The following SPMIP4 variants were observed in gnomAD, a reference collection of about 807,000 sequenced individuals.
SPMIP4 encodes sperm-associated microtubule inner protein 4.
At chr7:25,128,147 A>G in the SPMIP4 span, among the ~76,000 whole-genome samples, 2 of 152,304 alleles carry the variant, frequency 1.3e-5, no homozygotes, top group South Asian at 4.1e-4. The surrounding 1 kb of genome is among the most constrained non-coding windows in gnomAD (Gnocchi z 4.5). Context: ...GTGCTAGGAG[A>G]GACCTGATGC....
chr7:25,127,961 T>C, the SPMIP4 span, among the ~76,000 whole-genome samples: 1 of 152,210 alleles, frequency 6.6e-6, no homozygotes, highest in Admixed American at 6.5e-5. Context: ...TGCAGACTTG[T>C]AGGGGTATGA....
chr7:25,175,446 A>G, the SPMIP4 span, among the ~76,000 whole-genome samples: 1 of 151,718 alleles, frequency 6.6e-6, no homozygotes, highest in Non-Finnish European at 1.5e-5. Flanking sequence ...CACCTCACCT[A>G]TTGTGAAAAG....
At chr7:25,130,330 G>A in the SPMIP4 span, among the ~76,000 whole-genome samples, 8 of 66,640 alleles carry the variant, frequency 1.2e-4, no homozygotes, top group Admixed American at 4.5e-4. Flanking sequence ...TTTTTTTTTT[G>A]AGACGGAGTT....
At chr7:25,172,563 A>C in the SPMIP4 span, among the ~76,000 whole-genome samples, 2 of 152,366 alleles carry the variant, frequency 1.3e-5, no homozygotes, top group South Asian at 2.1e-4. This position sits in a 1 kb window ranked among gnomAD's most constrained non-coding sequence, Gnocchi z 4.2. Flanking sequence ...TGCATGGACA[A>C]GGTCCTTAGA....
the SPMIP4 span, chr7:25,179,359 G>C: frequency 1.3e-6 from 2 of 1,579,928 alleles, no homozygotes; most frequent in Non-Finnish European, 1.7e-6. Flanking sequence ...GGGCACATTT[G>C]GCTTGTCGAG....
chr7:25,148,672 G>T, the SPMIP4 span, among the ~76,000 whole-genome samples: 2 of 151,974 alleles, frequency 1.3e-5, no homozygotes, highest in African/African-American at 2.4e-5. Context: ...TCAGTGTTCC[G>T]CCATGTTGGT....
chr7:25,148,062 C>T, the SPMIP4 span, among the ~76,000 whole-genome samples: 1 of 152,050 alleles, frequency 6.6e-6, no homozygotes, highest in African/African-American at 2.4e-5. Context: ...TAGTAGTGTC[C>T]CTTCTCCTTC....
the SPMIP4 span, chr7:25,135,867 CT>C: frequency 6.9e-7 from 1 of 1,452,710 alleles, no homozygotes; most frequent in Non-Finnish European, 9.1e-7. Context: ...TAACAAGGTC[CT>C]TGTGGTTTAA....
At chr7:25,172,699 T>G in the SPMIP4 span, among the ~76,000 whole-genome samples, 1 of 152,124 alleles carries the variant, frequency 6.6e-6, no homozygotes, top group Admixed American at 6.5e-5. The surrounding 1 kb of genome is among the most constrained non-coding windows in gnomAD (Gnocchi z 4.2). Context: ...CCTGGGAACT[T>G]GGATAAATTT....
the SPMIP4 span, chr7:25,179,191 T>C: frequency 1.6e-3 from 2,563 of 1,608,574 alleles, 7 homozygotes; most frequent in Non-Finnish European, 2.1e-3. Flanking sequence ...TCTGAGGCAG[T>C]TGGGCGAGTA....
At chr7:25,135,991 G>T in the SPMIP4 span, 1 of 1,605,424 alleles carries the variant, frequency 6.2e-7, no homozygotes, top group South Asian at 1.1e-5. Context: ...GAAATAATAG[G>T]AATTATGGCC....
At chr7:25,134,924 G>A in the SPMIP4 span, 14 of 985,270 alleles carry the variant, frequency 1.4e-5, no homozygotes, top group Non-Finnish European at 1.7e-5. Flanking sequence ...CTGTCATAAT[G>A]TAACTAGTGC....
At chr7:25,179,463 A>C in the SPMIP4 span, 1 of 651,840 alleles carries the variant, frequency 1.5e-6, no homozygotes, top group East Asian at 2.9e-5. Flanking sequence ...GAAAGCCGTC[A>C]AATCAGTAAT....
the SPMIP4 span, among the ~76,000 whole-genome samples, chr7:25,131,726 G>A: frequency 6.6e-6 from 1 of 152,278 alleles, no homozygotes; most frequent in African/African-American, 2.4e-5. The surrounding 1 kb of genome is among the most constrained non-coding windows in gnomAD (Gnocchi z 4.2). Context: ...GAGCCATGTG[G>A]TGAGTGTTAT....
the SPMIP4 span, among the ~76,000 whole-genome samples, chr7:25,160,000 A>T: frequency 6.7e-6 from 1 of 149,834 alleles, no homozygotes; most frequent in African/African-American, 2.5e-5. Context: ...AAAAAAAAAA[A>T]TAAATTTAAA....
At chr7:25,164,047 A>T in the SPMIP4 span, among the ~76,000 whole-genome samples, 2 of 152,234 alleles carry the variant, frequency 1.3e-5, no homozygotes, top group Non-Finnish European at 2.9e-5. Flanking sequence ...TGAATATTCA[A>T]TTATGGCTAA....
At chr7:25,178,478 CAAGTAT>C in the SPMIP4 span, among the ~76,000 whole-genome samples, 2 of 152,132 alleles carry the variant, frequency 1.3e-5, no homozygotes, top group African/African-American at 4.8e-5. Context: ...AAAATTTACA[CAAGTAT>C]AAGCAGCAAA....
the SPMIP4 span, among the ~76,000 whole-genome samples, chr7:25,174,161 T>G: frequency 1.4e-4 from 21 of 152,204 alleles, no homozygotes; most frequent in African/African-American, 5.1e-4. The surrounding 1 kb of genome is among the most constrained non-coding windows in gnomAD (Gnocchi z 4.5). Context: ...TTTAATAATT[T>G]TAATGAAATT....
At chr7:25,165,708 G>A in the SPMIP4 span, among the ~76,000 whole-genome samples, 3 of 152,354 alleles carry the variant, frequency 2.0e-5, no homozygotes, top group East Asian at 1.9e-4. Flanking sequence ...ATTATCTGAG[G>A]TTATCTTGTT....
Sources: allele counts gnomAD v4.1 joint callset (sites outside exome capture counted in the v4.1 genomes callset), GRCh38; gene constraint gnomAD v4.1.1; non-coding constraint Gnocchi (gnomAD v3.1); transcripts MANE v1.5; gene names NCBI Gene and HGNC (gene_info 2026-07-23, HGNC 2026-07-21).